C2CD3: variants seen among roughly 807,000 people sequenced by gnomAD.
C2CD3 encodes C2 domain-containing protein 3.
Under a neutral mutation model 234.0 loss-of-function variants are expected in C2CD3, and 148 were observed. The observed-to-expected ratio is 0.63, with a 90% CI of 0.55 to 0.72. The LOEUF (loss-of-function observed/expected upper bound fraction) is 0.72, where lower values mean the gene tolerates loss of function less well. C2CD3 is among the 30% of genes least tolerant of loss of function. The probability of loss-of-function intolerance (pLI) is 0.00; values close to 1 mark genes in which losing one functional copy is unlikely to be tolerated. For missense variants in C2CD3, 2,577 were observed against 2,811.5 expected, an observed-to-expected ratio of 0.92 and a Z score of 1.89; for synonymous variants, 1,000 against 1,035.4, an observed-to-expected ratio of 0.97 and a Z score of 0.66.
chr11:74,088,049 G>GT (rs757217733), intron 20 of C2CD3, among the ~76,000 whole-genome samples: 49 of 152,118 alleles, frequency 3.2e-4, no homozygotes, highest in Non-Finnish European at 6.9e-4. Context: ...AGATGCCAGC[G>GT]TAAGGATTCA....
At position 74,078,111 on chromosome 11, in the gene C2CD3, T is replaced by G; in HGVS notation, c.4603+4A>C. 1.2e-6 allele frequency: 2 copies of G among 1,610,810 alleles called. No individual in the cohort carries two copies. The highest frequency in any genetic ancestry group is 1.7e-6 in the Non-Finnish European group (2 of 1,178,230). ...ACAAGAGTTGAATCAGGCTCCTCAC[T>G]TACCACTGACAGTTAGCGTCCTCGC... On this transcript the variant is annotated splice_donor_region_variant and intron_variant, in intron 23 of 32. Coordinates refer to ENST00000334126, the MANE Select transcript of C2CD3 (RefSeq NM_001286577.2).
chr11:74,138,604 G>A (rs2135543412), intron 5 of C2CD3, 116 bp downstream of exon 5: 5 of 803,844 alleles, frequency 6.2e-6, no homozygotes, highest in Admixed American at 2.2e-5. Flanking sequence ...AAGACTGCCT[G>A]TTTTTATTTG....
rs1955612535 is a variant in C2CD3, at chr11:74,085,771, C to T, written c.3757G>A (p.Val1253Met). 1.2e-6 allele frequency: 2 copies of T among 1,614,086 alleles called. No individual in the cohort carries two copies. Among genetic ancestry groups the T allele is most frequent in the East Asian group, 2.2e-5 (1 of 44,862 alleles). The change falls in exon 21 of 33, where the codon GTG (valine) becomes ATG (methionine). Residue 1253 changes from valine to methionine, a missense_variant. Physicochemically the swap from Val to Met is conservative, Grantham distance 21 (BLOSUM62 1). Transcript: ENST00000334126. ...PQGEQRRTHP[V>M]ACSFCPEFSH... ...AACTCAGGGCAGAAAGAACAGGCCA[C>T]AGGGTGGGTTCGGCGCTGTTCTCCC...
chr11:74,063,184 G>A (rs546052810), intron 24 of C2CD3, among the ~76,000 whole-genome samples: 6 of 152,180 alleles, frequency 3.9e-5, no homozygotes, highest in East Asian at 1.9e-4. Flanking sequence ...ATTCACAGCC[G>A]CATCTACCAG....
chr11:74,074,303 G>C lies in C2CD3; in HGVS notation c.4901C>G (p.Thr1634Arg). ...TQEGPADLDG[T>R]FAVSILVERA... Reference sequence around the variant, plus strand: ...TTCTACTAGGATGCTGACTGCAAACGTTCCATCCAAATCAGCAGGGCCCTC... The same window carrying C: ...TTCTACTAGGATGCTGACTGCAAACCTTCCATCCAAATCAGCAGGGCCCTC... Residue 1634 changes from threonine (T) to arginine (R), a missense_variant, in exon 24 of 33, where the codon ACG (threonine) becomes AGG (arginine). By Grantham distance (71) the Thr-to-Arg change is moderately conservative (BLOSUM62 -1). Coordinates refer to ENST00000334126, the MANE Select transcript of C2CD3 (RefSeq NM_001286577.2). The C allele has an allele frequency of 6.2e-7, 1 of 1,614,166 alleles. No individual in the cohort carries two copies. The highest frequency in any genetic ancestry group is 8.5e-7 in the Non-Finnish European group (1 of 1,180,008).
At chr11:74,145,183 C>A (rs1249308775) in intron 3 of C2CD3, among the ~76,000 whole-genome samples, 1 of 152,172 alleles carries the variant, frequency 6.6e-6, no homozygotes, top group East Asian at 1.9e-4. Context: ...ATGCTCCCAC[C>A]AGCAGTGTAT....
intron 11 of C2CD3, among the ~76,000 whole-genome samples, chr11:74,109,922 C>A (rs58944783): frequency 0.27 from 40,588 of 147,980 alleles, 6,378 homozygotes; most frequent in African/African-American, 0.44. Context: ...AATACAACAA[C>A]AAAAAAAAAT....
chr11:74,062,731 A>G (rs1954305883), intron 24 of C2CD3, among the ~76,000 whole-genome samples: 1 of 151,824 alleles, frequency 6.6e-6, no homozygotes, highest in African/African-American at 2.4e-5. Context: ...AAGCAAGAGC[A>G]AACACATTCA....
chr11:74,155,866 TG>T (rs1855978250), intron 3 of C2CD3, among the ~76,000 whole-genome samples: 1 of 152,072 alleles, frequency 6.6e-6, no homozygotes, highest in Non-Finnish European at 1.5e-5. Flanking sequence ...ATTGGCTGGG[TG>T]TGGTGGCTCA....
chr11:74,161,930 C>G (rs892464321), intron 2 of C2CD3, among the ~76,000 whole-genome samples: 1 of 151,340 alleles, frequency 6.6e-6, no homozygotes, highest in African/African-American at 2.4e-5. Context: ...ATTCTCCCAT[C>G]CTAGCCTCAC....
chr11:74,126,892 C>T (rs970555434), intron 7 of C2CD3, among the ~76,000 whole-genome samples: 2 of 152,224 alleles, frequency 1.3e-5, no homozygotes, highest in Non-Finnish European at 2.9e-5. Flanking sequence ...GCTATCACTA[C>T]CCTACCCATC....
chr11:74,153,879 G>T (rs1478799137), intron 3 of C2CD3, among the ~76,000 whole-genome samples: 2 of 151,780 alleles, frequency 1.3e-5, no homozygotes, highest in East Asian at 3.9e-4. Context: ...AAGAAATACA[G>T]ATCAATGAAA....
intron 8 of C2CD3, among the ~76,000 whole-genome samples, 192 bp from the exon 9 acceptor site, chr11:74,118,574 C>T (rs1197510976): frequency 6.6e-6 from 1 of 152,162 alleles, no homozygotes; most frequent in Non-Finnish European, 1.5e-5. Flanking sequence ...CAAAAATAAC[C>T]TACAAGTTCA....
intron 7 of C2CD3, among the ~76,000 whole-genome samples, chr11:74,127,622 T>C (rs1284226303): frequency 6.6e-6 from 1 of 152,170 alleles, no homozygotes; most frequent in East Asian, 1.9e-4. Flanking sequence ...TAAACATTTG[T>C]TTAAAAATTT....
chr11:74,017,573 T>C (rs1336576929), intron 32 of C2CD3, among the ~76,000 whole-genome samples: 1 of 152,240 alleles, frequency 6.6e-6, no homozygotes, highest in Non-Finnish European at 1.5e-5. Flanking sequence ...ATTGAGTGGC[T>C]AACCCTGCAT....
At chr11:74,083,670 C>T (rs975705254) in intron 22 of C2CD3, among the ~76,000 whole-genome samples, 9 of 152,174 alleles carry the variant, frequency 5.9e-5, no homozygotes, top group African/African-American at 1.9e-4. Context: ...GACATTTATG[C>T]AGCCAACAGA....
At chr11:74,115,441 A>G (rs924018379) in intron 9 of C2CD3, among the ~76,000 whole-genome samples, 1 of 152,096 alleles carries the variant, frequency 6.6e-6, no homozygotes, top group African/African-American at 2.4e-5. Context: ...TATTTTCTAC[A>G]CAGTTGTGAT....
intron 29 of C2CD3, among the ~76,000 whole-genome samples, chr11:74,040,571 A>G (rs758942658): frequency 7.2e-5 from 11 of 152,020 alleles, no homozygotes; most frequent in Admixed American, 2.6e-4. Flanking sequence ...CCTGGCCAAC[A>G]TAGTGAAACC....
At chr11:74,062,374 G>A (rs182965534) in intron 24 of C2CD3, among the ~76,000 whole-genome samples, 65 of 152,344 alleles carry the variant, frequency 4.3e-4, no homozygotes, top group African/African-American at 1.5e-3. Flanking sequence ...ATAGTTGGAA[G>A]TAAAGCACTC....
Sources: allele counts gnomAD v4.1 joint callset (sites outside exome capture counted in the v4.1 genomes callset), GRCh38; gene constraint gnomAD v4.1.1; transcripts MANE v1.5; gene names NCBI Gene and HGNC (gene_info 2026-07-23, HGNC 2026-07-21).